The following MAPK14 variants were observed in gnomAD, a reference collection of about 807,000 sequenced individuals.
MAPK14 encodes CSAID-binding protein.
Under a neutral mutation model 49.6 loss-of-function variants are expected in MAPK14, and 16 were observed. That is an observed-to-expected ratio of 0.32 (90% CI 0.22 to 0.49). The LOEUF is 0.49. Ranked by LOEUF, MAPK14 falls within the 20% of genes least tolerant of loss-of-function variation. The pLI is 0.99. For missense variants in MAPK14, 200 were observed against 441.2 expected (o/e 0.45, Z 4.90); for synonymous variants, 142 against 158.0 (o/e 0.90, Z 0.76).
chr6:36,066,380 C>T (rs905058477), intron 3 of MAPK14, among the ~76,000 whole-genome samples: 2 of 149,784 alleles, frequency 1.3e-5, no homozygotes, highest in African/African-American at 2.5e-5. Context: ...GGGCCTGTCT[C>T]GTTTTCCAAT....
At chr6:36,116,950 C>A in the MAPK14 span, among the ~76,000 whole-genome samples, 1 of 152,170 alleles carries the variant, frequency 6.6e-6, no homozygotes, top group Non-Finnish European at 1.5e-5. Context: ...TTGAAAGACT[C>A]CTGGTTCCAA....
chr6:36,059,205 T>TAA, intron 2 of MAPK14, 84 bp from the exon 3 acceptor site: 9 of 804,964 alleles, frequency 1.1e-5, no homozygotes, highest in Non-Finnish European at 1.7e-5. Context: ...CCTGACTCTT[T>TAA]AAAAAAAAAG....
intron 1 of MAPK14, among the ~76,000 whole-genome samples, chr6:36,051,436 A>G (rs1026030314): frequency 9.2e-5 from 14 of 152,086 alleles, no homozygotes; most frequent in African/African-American, 1.4e-4. Flanking sequence ...TAAAATACAC[A>G]TCGCATTTTT....
chr6:36,123,721 A>G, the MAPK14 span, among the ~76,000 whole-genome samples: 1 of 152,198 alleles, frequency 6.6e-6, no homozygotes. Context: ...GTCACAGGAG[A>G]CAATGCAGAT....
At chr6:36,061,675 A>C (rs1305596118) in intron 3 of MAPK14, among the ~76,000 whole-genome samples, 1 of 152,232 alleles carries the variant, frequency 6.6e-6, no homozygotes, top group Non-Finnish European at 1.5e-5. Context: ...AATCAGAAAC[A>C]GTCGCCCTTC....
chr6:36,101,712 A>G (rs851005), intron 9 of MAPK14, among the ~76,000 whole-genome samples: 63,895 of 151,856 alleles, frequency 0.42, 15,049 homozygotes, highest in South Asian at 0.62. Flanking sequence ...AGTTTTCACC[A>G]TGTTACCCAG....
At chr6:36,044,869 T>C (rs1241725240) in intron 1 of MAPK14, among the ~76,000 whole-genome samples, 1 of 152,212 alleles carries the variant, frequency 6.6e-6, no homozygotes, top group Non-Finnish European at 1.5e-5. Flanking sequence ...TGGTGGCTCA[T>C]GCCTGTAACC....
At chr6:36,111,949 G>A (rs1304991796), downstream of MAPK14, among the ~76,000 whole-genome samples, 3 of 152,198 alleles carry the variant, frequency 2.0e-5, no homozygotes, top group African/African-American at 7.2e-5. Context: ...GCTCACGCCT[G>A]TAATCTCAGC....
chr6:36,108,295 G>A lies in MAPK14; in HGVS notation c.1016-85G>A, dbSNP rs559904460. ...AACCACTACCTGGACAGAGAGGAAG[G>A]ATCTTGAGCTTAGAAGTCAGAGTGC... On this transcript the variant is annotated intron_variant, in intron 11 of 11. Transcript: ENST00000229794. 152 of 976,022 alleles carry A rather than the reference G, an allele frequency of 1.6e-4. 2 individuals carry two copies. The South Asian group carries it at 1.9e-3, about 12-fold the overall frequency. The allele number at this position is 976,022 out of a possible 1,614,324, so 60.5% of individuals were successfully genotyped here.
intron 8 of MAPK14, among the ~76,000 whole-genome samples, chr6:36,078,747 C>T (rs1184323037): frequency 6.6e-6 from 1 of 152,116 alleles, no homozygotes; most frequent in Non-Finnish European, 1.5e-5. Context: ...TTGTAAAAGT[C>T]GAATTCAAAG....
intron 1 of MAPK14, among the ~76,000 whole-genome samples, chr6:36,042,004 A>G (rs1762979495): frequency 6.6e-6 from 1 of 151,976 alleles, no homozygotes; most frequent in Non-Finnish European, 1.5e-5. Flanking sequence ...AAAGATGGGT[A>G]TTTGGAGAGA....
intron 7 of MAPK14, among the ~76,000 whole-genome samples, chr6:36,076,239 A>G (rs550549712): frequency 1.3e-5 from 2 of 152,286 alleles, no homozygotes; most frequent in Non-Finnish European, 1.5e-5. Context: ...TTAGTCCATA[A>G]TTTTAACCCC....
the MAPK14 span, among the ~76,000 whole-genome samples, chr6:36,119,702 G>A: frequency 6.6e-6 from 1 of 152,138 alleles, no homozygotes; most frequent in Non-Finnish European, 1.5e-5. Flanking sequence ...TTGGAGGTGA[G>A]GGTGGTGAGC....
At chr6:36,051,407 G>A (rs1763391142) in intron 1 of MAPK14, among the ~76,000 whole-genome samples, 1 of 152,026 alleles carries the variant, frequency 6.6e-6, no homozygotes, top group Non-Finnish European at 1.5e-5. Context: ...TGTGCCTGGC[G>A]ACGATTTCTA....
At chr6:36,065,281 C>A (rs1162331011) in intron 3 of MAPK14, among the ~76,000 whole-genome samples, 1 of 152,158 alleles carries the variant, frequency 6.6e-6, no homozygotes, top group Non-Finnish European at 1.5e-5. Flanking sequence ...TATATGCACT[C>A]CATTGTTTGT....
Position 36,052,756 on chromosome 6 carries a change from A to T in MAPK14, c.174A>T (p.Pro58=), listed in dbSNP as rs1191448804. Residue 58 remains proline, a synonymous_variant, in exon 2 of 12, where the codon CCA becomes CCT. Coordinates refer to ENST00000229794, the MANE Select transcript of MAPK14 (RefSeq NM_139012.3). The part of the protein sequence containing the change: ...LRVAVKKLSR[P]FQSIIHAKRT... ...TGGCAGTGAAGAAGCTCTCCAGACC[A>T]TTTCAGTCCATCATTCATGCGAAAA... 6.2e-7 allele frequency: 1 copy of T among 1,612,698 alleles called. No homozygotes were observed. The highest frequency in any genetic ancestry group is 8.5e-7 in the Non-Finnish European group (1 of 1,179,294).
chr6:36,077,306 A>T (rs532931994), intron 8 of MAPK14, among the ~76,000 whole-genome samples: 1 of 152,100 alleles, frequency 6.6e-6, no homozygotes, highest in Non-Finnish European at 1.5e-5. Flanking sequence ...TGGAACTCTC[A>T]TCAGTTCTAC....
At chr6:36,092,004 G>T in intron 8 of MAPK14, 1 of 373,490 alleles carries the variant, frequency 2.7e-6, no homozygotes, top group South Asian at 2.3e-5. Context: ...ATTTCAGGAC[G>T]GGCACTTCAG....
At chr6:36,089,311 A>G (rs936342860) in intron 8 of MAPK14, among the ~76,000 whole-genome samples, 6 of 152,170 alleles carry the variant, frequency 3.9e-5, no homozygotes, top group Non-Finnish European at 8.8e-5. Flanking sequence ...ACATGTTCTC[A>G]CAAGTGGGAG....
Sources: gnomAD v4.1 joint callset for allele counts (sites outside exome capture counted in the v4.1 genomes callset) on GRCh38, gnomAD v4.1.1 for gene constraint, MANE v1.5 for transcripts, NCBI Gene and HGNC (gene_info 2026-07-23, HGNC 2026-07-21) for gene names.